Variants in HS6ST2 observed in about 807,000 individuals in gnomAD.
HS6ST2 encodes heparan sulfate 6-O-sulfotransferase 2, also known as heparan-sulfate 6-O-sulfotransferase 2.
HS6ST2 carries 17 observed loss-of-function variants against 33.0 expected under a neutral mutation model. That is an observed-to-expected ratio of 0.52 (90% CI 0.35 to 0.77). HS6ST2 has a LOEUF of 0.77. Among genes scored for constraint, HS6ST2 ranks in the 30% least tolerant of loss-of-function variants. The pLI is 0.01. For missense variants in HS6ST2, 519 were observed against 551.7 expected, an observed-to-expected ratio of 0.94 and a Z score of 0.59; for synonymous variants, 248 against 237.1, an observed-to-expected ratio of 1.05 and a Z score of -0.42.
At chrX:132,741,921 T>C (rs1429922049) in intron 2 of HS6ST2, among the ~76,000 whole-genome samples, 1 of 111,596 alleles carries the variant, frequency 9.0e-6, no homozygotes, top group Non-Finnish European at 1.9e-5. Flanking sequence ...CAATGCCAAC[T>C]CCATAGGATA....
intron 2 of HS6ST2, among the ~76,000 whole-genome samples, chrX:132,738,190 C>T (rs1231103831): frequency 8.9e-6 from 1 of 112,661 alleles, no homozygotes; most frequent in African/African-American, 3.2e-5. Flanking sequence ...GAAAACTCTA[C>T]TGTGTCTTCC....
intron 2 of HS6ST2, among the ~76,000 whole-genome samples, chrX:132,805,451 G>A (rs577984946): frequency 9.6e-6 from 1 of 103,928 alleles, no homozygotes; most frequent in South Asian, 3.9e-4. Flanking sequence ...TCCCCCTTGG[G>A]GCAAACCAGT....
At chrX:132,772,921 A>C (rs1436578774) in intron 2 of HS6ST2, among the ~76,000 whole-genome samples, 4 of 89,337 alleles carry the variant, frequency 4.5e-5, no homozygotes, top group Non-Finnish European at 8.2e-5. Context: ...TATATTTTAT[A>C]TAATCCAATT....
At chrX:132,858,398 A>G (rs1349558235) in intron 2 of HS6ST2, among the ~76,000 whole-genome samples, 3 of 112,345 alleles carry the variant, frequency 2.7e-5, no homozygotes, top group Non-Finnish European at 5.6e-5. Flanking sequence ...GTCTAATGAT[A>G]TTGATGAAAA....
intron 2 of HS6ST2, among the ~76,000 whole-genome samples, chrX:132,917,111 C>T (rs1484518229): frequency 9.0e-6 from 1 of 111,730 alleles, no homozygotes; most frequent in Non-Finnish European, 1.9e-5. Flanking sequence ...GCATCAAGAA[C>T]ATATGGTGCT....
intron 2 of HS6ST2, among the ~76,000 whole-genome samples, chrX:132,727,666 C>T (rs1481610097): frequency 9.0e-6 from 1 of 111,435 alleles, no homozygotes; most frequent in East Asian, 2.8e-4. Context: ...ATTCATGTAA[C>T]ACAAAATGAA....
intron 2 of HS6ST2, among the ~76,000 whole-genome samples, chrX:132,926,912 G>C (rs2066715939): frequency 9.0e-6 from 1 of 110,959 alleles, no homozygotes; most frequent in Non-Finnish European, 1.9e-5. Context: ...GACGGAGGGG[G>C]ACTCCGTCTC....
At chrX:132,725,114 T>C (rs917949469) in intron 2 of HS6ST2, among the ~76,000 whole-genome samples, 17 of 111,202 alleles carry the variant, frequency 1.5e-4, no homozygotes, top group African/African-American at 4.6e-4. Context: ...AGCAATACCC[T>C]ACACGCACAG....
At chrX:132,845,721 C>T (rs1400335892) in intron 2 of HS6ST2, among the ~76,000 whole-genome samples, 1 of 111,282 alleles carries the variant, frequency 9.0e-6, no homozygotes, top group African/African-American at 3.3e-5. Context: ...AGCTCCCAGA[C>T]CATGACAGTA....
At chrX:132,681,636 A>G (rs1322414566) in intron 3 of HS6ST2, among the ~76,000 whole-genome samples, 4 of 111,957 alleles carry the variant, frequency 3.6e-5, no homozygotes, top group Non-Finnish European at 7.5e-5. Flanking sequence ...AAATTAAAAC[A>G]TTAAAAAAAA....
chrX:132,806,623 T>C (rs1418442168), intron 2 of HS6ST2, among the ~76,000 whole-genome samples: 1 of 110,295 alleles, frequency 9.1e-6, no homozygotes, highest in African/African-American at 3.3e-5. Context: ...CCATAGACAA[T>C]ATATAAATGA....
intron 2 of HS6ST2, among the ~76,000 whole-genome samples, chrX:132,853,949 T>C (rs988436732): frequency 5.4e-5 from 6 of 110,679 alleles, no homozygotes; most frequent in Admixed American, 1.9e-4. Flanking sequence ...TCTGAGCCTG[T>C]GGAGGTGAAG....
intron 2 of HS6ST2, among the ~76,000 whole-genome samples, chrX:132,826,589 T>TG (rs2065522838): frequency 9.1e-6 from 1 of 110,233 alleles, no homozygotes; most frequent in African/African-American, 3.3e-5. Flanking sequence ...AACTTTAAAA[T>TG]TATATATATG....
intron 4 of HS6ST2, among the ~76,000 whole-genome samples, chrX:132,642,954 T>C (rs2063612859): frequency 8.9e-6 from 1 of 112,272 alleles, no homozygotes; most frequent in African/African-American, 3.2e-5. Flanking sequence ...AGTGGCCTAG[T>C]ATTGGGGAGT....
chrX:132,776,577 T>C (rs1294596061), intron 2 of HS6ST2, among the ~76,000 whole-genome samples: 2 of 110,657 alleles, frequency 1.8e-5, no homozygotes, highest in South Asian at 3.9e-4. Flanking sequence ...TTACAGCCCT[T>C]CCCCCATCCA....
At position 132,764,437 on chromosome X, in the gene HS6ST2, T is replaced by C. The variant is rs915322030; in HGVS notation, c.948-55943A>G. On this transcript the variant is annotated intron_variant, in intron 2 of 4. Coordinates refer to ENST00000370833, the MANE Select transcript of HS6ST2 (RefSeq NM_001394073.1). ...GGTCTGTACTTCTTATTCTAGACGA[T>C]TCCTAAAATCCCTTCAGTATTGGCA... Among the ~76,000 whole-genome samples the C allele has an allele frequency of 5.3e-5, 6 of 112,316 alleles. No homozygotes were observed. In the Admixed American group the frequency reaches 5.7e-4, roughly 11 times the overall value.
intron 4 of HS6ST2, among the ~76,000 whole-genome samples, chrX:132,661,806 G>A (rs1324639727): frequency 9.0e-6 from 1 of 111,471 alleles, no homozygotes; most frequent in African/African-American, 3.3e-5. Flanking sequence ...CACTTTAGGA[G>A]GCCAAGGCAG....
At chrX:132,842,444 G>A (rs754725614) in intron 2 of HS6ST2, among the ~76,000 whole-genome samples, 2 of 112,085 alleles carry the variant, frequency 1.8e-5, no homozygotes, top group East Asian at 5.6e-4. Flanking sequence ...TAATGCAAGC[G>A]CATTGTGCTG....
chrX:132,787,356 G>T (rs1281768532), intron 2 of HS6ST2, among the ~76,000 whole-genome samples: 2 of 95,224 alleles, frequency 2.1e-5, no homozygotes, highest in African/African-American at 3.9e-5. Context: ...GCAGTGGTGC[G>T]ATCTCAGCTC....
Sources: gnomAD v4.1 joint callset for allele counts (sites outside exome capture counted in the v4.1 genomes callset) on GRCh38, gnomAD v4.1.1 for gene constraint, MANE v1.5 for transcripts, NCBI Gene and HGNC (gene_info 2026-07-23, HGNC 2026-07-21) for gene names.